CNTLN: variants seen among roughly 807,000 people sequenced by gnomAD.
CNTLN encodes centlein, centrosomal protein.
CNTLN carries 212 observed loss-of-function variants against 180.0 expected under a neutral mutation model. That is an observed-to-expected ratio of 1.18 (90% CI 1.05 to 1.32). The LOEUF is 1.32. Among genes scored for constraint, CNTLN ranks in the 40% most tolerant of loss-of-function variants. CNTLN has a pLI of 0.00. For missense variants in CNTLN, 2,095 were observed against 1,610.9 expected, an observed-to-expected ratio of 1.30 and a Z score of -5.14; for synonymous variants, 722 against 563.1, an observed-to-expected ratio of 1.28 and a Z score of -3.99.
intron 23 of CNTLN, among the ~76,000 whole-genome samples, chr9:17,478,477 C>G (rs1832471043): frequency 6.6e-6 from 1 of 151,722 alleles, no homozygotes; most frequent in Non-Finnish European, 1.5e-5. Context: ...AAATCATTGT[C>G]CAGACCAGTG....
At chr9:17,350,350 C>G (rs1822256924) in intron 12 of CNTLN, among the ~76,000 whole-genome samples, 1 of 152,174 alleles carries the variant, frequency 6.6e-6, no homozygotes, top group African/African-American at 2.4e-5. Flanking sequence ...TCTTTCTATA[C>G]TAATCTGTAG....
rs1248449553 is a variant in CNTLN at position 17,380,844 on chromosome 9, T to TA, written c.1988-7317dup. 5.3e-5 allele frequency among the ~76,000 whole-genome samples: 8 copies of TA among 152,350 alleles called. No homozygotes were observed. The South Asian group carries it at 1.5e-3, about 28-fold the overall frequency. On this transcript the variant is annotated intron_variant, in intron 13 of 25. Coordinates refer to ENST00000380647, the MANE Select transcript of CNTLN (RefSeq NM_017738.4). ...TCTGTGTGTTGGCTGAAACAGCTCT[T>TA]ACTGCTGCAGGTTTTCTGGTCCAGC...
intron 2 of CNTLN, among the ~76,000 whole-genome samples, chr9:17,149,098 G>A (rs1369670700): frequency 6.6e-6 from 1 of 152,090 alleles, no homozygotes; most frequent in Non-Finnish European, 1.5e-5. Flanking sequence ...ATAGTTTGCT[G>A]GGAATGATGG....
intron 2 of CNTLN, among the ~76,000 whole-genome samples, chr9:17,176,982 TAGA>T (rs1337531984): frequency 7.9e-5 from 12 of 152,354 alleles, no homozygotes; most frequent in African/African-American, 2.6e-4. Context: ...GTCAGTCTGC[TAGA>T]AGTTTTTGCA....
intron 25 of CNTLN, among the ~76,000 whole-genome samples, chr9:17,494,604 A>G (rs1381298830): frequency 2.0e-5 from 3 of 152,062 alleles, no homozygotes; most frequent in African/African-American, 7.2e-5. Context: ...GCTCCCACTT[A>G]TAAGTGAGAA....
intron 2 of CNTLN, among the ~76,000 whole-genome samples, chr9:17,188,552 C>T (rs1821581069): frequency 6.6e-6 from 1 of 152,140 alleles, no homozygotes; most frequent in Non-Finnish European, 1.5e-5. Flanking sequence ...CTATGATCCT[C>T]ATTTATGAAG....
intron 6 of CNTLN, among the ~76,000 whole-genome samples, chr9:17,280,189 T>G (rs549734244): frequency 5.3e-5 from 8 of 152,206 alleles, no homozygotes; most frequent in Admixed American, 1.3e-4. Context: ...TAGATTTATA[T>G]TTCAGCAGTA....
intron 6 of CNTLN, among the ~76,000 whole-genome samples, chr9:17,290,337 G>A (rs1744368730): frequency 6.6e-6 from 1 of 151,030 alleles, no homozygotes; most frequent in African/African-American, 2.4e-5. Context: ...CAGGGGTCAG[G>A]GACCCACTTG....
At chr9:17,177,914 A>G (rs547460863) in intron 2 of CNTLN, among the ~76,000 whole-genome samples, 12 of 152,280 alleles carry the variant, frequency 7.9e-5, no homozygotes, top group Non-Finnish European at 1.3e-4. Context: ...GGCCCCACCC[A>G]CATCCTGCTG....
At chr9:17,203,993 G>A (rs573729434) in intron 2 of CNTLN, among the ~76,000 whole-genome samples, 1 of 152,308 alleles carries the variant, frequency 6.6e-6, no homozygotes, top group Non-Finnish European at 1.5e-5. Context: ...TTCTTGTGCT[G>A]TGTTTTTCAG....
At chr9:17,441,063 ACAC>A (rs5896742) in intron 18 of CNTLN, among the ~76,000 whole-genome samples, 131,504 of 151,912 alleles carry the variant, frequency 0.87, 57,045 homozygotes, top group East Asian at 0.91. Flanking sequence ...AAAGAAGTGT[ACAC>A]CACCTTTAAA....
intron 2 of CNTLN, among the ~76,000 whole-genome samples, chr9:17,213,049 A>G (rs1210288981): frequency 2.0e-5 from 3 of 151,876 alleles, no homozygotes; most frequent in East Asian, 1.9e-4. Flanking sequence ...TTGTGTCTCT[A>G]TCTCCTTCAG....
chr9:17,519,874 A>G, the CNTLN span, among the ~76,000 whole-genome samples: 10 of 152,226 alleles, frequency 6.6e-5, no homozygotes, highest in Non-Finnish European at 1.2e-4. Flanking sequence ...ATTAACAAAC[A>G]GGACATAAAG....
chr9:17,312,361 ATAT>A (rs1424099138), intron 8 of CNTLN, among the ~76,000 whole-genome samples: 46 of 15,534 alleles, frequency 3.0e-3, no homozygotes, highest in African/African-American at 5.6e-3. Flanking sequence ...ATATATATAT[ATAT>A]TATATATATA....
At chr9:17,504,769 C>G (rs1428020666), downstream of CNTLN, among the ~76,000 whole-genome samples, 1 of 152,134 alleles carries the variant, frequency 6.6e-6, no homozygotes, top group Non-Finnish European at 1.5e-5. Context: ...GTGGATGGCC[C>G]TTGGAGACCA....
chr9:17,145,462 T>G (rs1162846601), intron 2 of CNTLN, among the ~76,000 whole-genome samples: 1 of 152,186 alleles, frequency 6.6e-6, no homozygotes, highest in Admixed American at 6.5e-5. Flanking sequence ...CAAGGTCAAA[T>G]AGATGATCTT....
intron 2 of CNTLN, among the ~76,000 whole-genome samples, chr9:17,217,036 A>G (rs1317004432): frequency 6.6e-6 from 1 of 152,216 alleles, no homozygotes; most frequent in Non-Finnish European, 1.5e-5. Flanking sequence ...TTTAATTGGA[A>G]CCACTCTAAT....
At position 17,340,916 on chromosome 9, in the gene CNTLN, G is replaced by A. The variant is rs1297599127; in HGVS notation, c.1734G>A (p.Glu578=). The change falls in exon 11 of 26, where the codon GAG becomes GAA. Residue 578 remains glutamate (E), a synonymous_variant. Transcript: ENST00000380647. Reference sequence around the variant, plus strand: ...AGACCAACTACAGAGCAGTAAAAGAGCAATTAAAACAGTGGGAAGAAGGCA... The same window carrying A: ...AGACCAACTACAGAGCAGTAAAAGAACAATTAAAACAGTGGGAAGAAGGCA... ...MLQTNYRAVK[E]QLKQWEEGSG... The A allele has an allele frequency of 3.1e-6, 5 of 1,611,458 alleles. No homozygotes were observed. Among genetic ancestry groups the A allele is most frequent in the African/African-American group, 1.3e-5 (1 of 74,802 alleles).
intron 18 of CNTLN, among the ~76,000 whole-genome samples, chr9:17,444,689 C>T (rs1261050433): frequency 6.6e-6 from 1 of 152,138 alleles, no homozygotes; most frequent in Non-Finnish European, 1.5e-5. Context: ...GAATCATTGT[C>T]CTTGATGTAG....
Sources: gnomAD v4.1 joint callset for allele counts (sites outside exome capture counted in the v4.1 genomes callset) on GRCh38, gnomAD v4.1.1 for gene constraint, MANE v1.5 for transcripts, NCBI Gene and HGNC (gene_info 2026-07-23, HGNC 2026-07-21) for gene names.